PARP2: variants seen among roughly 807,000 people sequenced by gnomAD.
The protein encoded by PARP2 is poly [ADP-ribose] polymerase 2.
In PARP2, 57 loss-of-function variants were observed where a neutral mutation model predicts 77.8. The observed-to-expected ratio is 0.73, with a 90% CI of 0.59 to 0.91. The LOEUF is 0.91. Ranked by LOEUF, PARP2 falls within the 40% of genes least tolerant of loss-of-function variation. The pLI is 0.00. For missense variants in PARP2, 651 were observed against 689.0 expected (o/e 0.94, Z 0.62); for synonymous variants, 226 against 242.6 (o/e 0.93, Z 0.64).
At chr14:20,347,356 GTATATATATATATATATA>G (rs774986716) in intron 4 of PARP2, among the ~76,000 whole-genome samples, 222 of 29,564 alleles carry the variant, frequency 7.5e-3, no homozygotes, top group African/African-American at 0.014. Flanking sequence ...ATGTGTGTGT[GTATATATATATATATATA>G]TATATATATA....
intron 4 of PARP2, among the ~76,000 whole-genome samples, chr14:20,350,076 G>C (rs554596623): frequency 6.6e-6 from 1 of 152,330 alleles, no homozygotes; most frequent in South Asian, 2.1e-4. Context: ...ACAAACAAAA[G>C]CTGTGAGTAG....
At chr14:20,350,285 T>C in intron 4 of PARP2, among the ~76,000 whole-genome samples, 1 of 152,214 alleles carries the variant, frequency 6.6e-6, no homozygotes, top group East Asian at 1.9e-4. Context: ...TATTTGAGGT[T>C]GGATAGAGGG....
chr14:20,348,912 G>A (rs909818161), intron 4 of PARP2, among the ~76,000 whole-genome samples: 2 of 151,992 alleles, frequency 1.3e-5, no homozygotes, highest in South Asian at 2.1e-4. Flanking sequence ...CCAGCTACTC[G>A]GGAGGTTGAG....
rs1482683856 is a variant in PARP2, at chr14:20,343,643, T to TGGCGGCGCGGCGGC, written c.4_17dup (p.Ser8_?6). On this transcript the variant is annotated frameshift_variant and start_lost, in exon 1 of 16. Transcript: ENST00000429687. LOFTEE classifies it high-confidence loss of function. ...TGATGACGTCAGCGTTCGAATTCCA[T>TGGCGGCGCGGCGGC]GGCGGCGCGGCGGCGACGGAGCACC... 6.2e-7 allele frequency: 1 copy of TGGCGGCGCGGCGGC among 1,609,976 alleles called. No homozygotes were observed. The highest frequency in any genetic ancestry group is 8.5e-7 in the Non-Finnish European group (1 of 1,178,888).
intron 9 of PARP2, 102 bp downstream of exon 9, chr14:20,355,049 A>G (rs1055011877): frequency 3.0e-5 from 35 of 1,147,716 alleles, no homozygotes; most frequent in Non-Finnish European, 4.3e-5. Context: ...TTCCTAAGAA[A>G]ATGATCGTCT....
intron 1 of PARP2, chr14:20,344,432 A>G (rs1205196310): frequency 1.3e-5 from 2 of 153,994 alleles, no homozygotes; most frequent in Non-Finnish European, 2.9e-5. Flanking sequence ...GTTTTATTTC[A>G]TTTGGCTAGA....
At position 20,354,254 on chromosome 14, in the gene PARP2, C is replaced by G. The variant is rs759976975; in HGVS notation, c.763+7C>G. 1 of 1,604,630 alleles carries G rather than the reference C, an allele frequency of 6.2e-7. No individual in the cohort carries two copies. Among genetic ancestry groups the G allele is most frequent in the South Asian group, 1.1e-5 (1 of 90,206 alleles). On this transcript the variant is annotated splice_region_variant and intron_variant, in intron 8 of 15. Coordinates refer to ENST00000429687, the MANE Select transcript of PARP2 (RefSeq NM_001042618.2). ...ACCAAGAAAGCCCCACTTGGTAGGACTTCACATTTTCTTCTGCATTCTCTC... is the reference window on the plus strand; with the variant it reads ...ACCAAGAAAGCCCCACTTGGTAGGAGTTCACATTTTCTTCTGCATTCTCTC...
rs1946338909 is a variant in PARP2, at chr14:20,346,899, G to A, written c.310G>A (p.Val104Ile). Reference sequence around the variant, plus strand: ...TTGTGAAGGAAATGATGTCTATGATGTCATGCTAAATCAGGTAAGAGGCAA... The same window carrying A: ...TTGTGAAGGAAATGATGTCTATGATATCATGCTAAATCAGGTAAGAGGCAA... ...VYCEGNDVYD[V>I]MLNQTNLQFN... The change falls in exon 4 of 16, where the codon GTC becomes ATC. Residue 104 changes from valine (V) to isoleucine (I), a missense_variant. Coordinates refer to ENST00000429687, the MANE Select transcript of PARP2 (RefSeq NM_001042618.2). 3.7e-6 allele frequency: 6 copies of A among 1,605,906 alleles called. No homozygotes were observed. The highest frequency in any genetic ancestry group is 4.3e-6 in the Non-Finnish European group (5 of 1,173,988).
rs767812277 is a variant in PARP2 at position 20,351,095 on chromosome 14, A to C, written c.470A>C (p.Asn157Thr). The stretch of plus-strand genomic sequence containing the variant: ...CTGGTGGCTTGTTCAGGCAATCTCA[A>C]CAAGGCCAAGGAAATCTTTCAGAAG... Reference protein sequence around the residue: ...HSLVACSGNLNKAKEIFQKKF... With the variant: ...HSLVACSGNLTKAKEIFQKKF... Residue 157 changes from asparagine to threonine, a missense_variant, in exon 6 of 16, where the codon AAC becomes ACC. Coordinates refer to ENST00000429687, the MANE Select transcript of PARP2 (RefSeq NM_001042618.2). The C allele has an allele frequency of 3.7e-6, 6 of 1,613,804 alleles. No homozygotes were observed. The highest frequency in any genetic ancestry group is 5.1e-6 in the Non-Finnish European group (6 of 1,179,808).
At position 20,357,690 on chromosome 14, in the gene PARP2, C is replaced by G. The variant is rs768132981; in HGVS notation, c.1606C>G (p.Pro536Ala). 3 of 1,613,856 alleles carry G rather than the reference C, an allele frequency of 1.9e-6. No homozygotes were observed. Among genetic ancestry groups the G allele is most frequent in the Non-Finnish European group, 2.5e-6 (3 of 1,179,824 alleles). The change falls in exon 16 of 16, where the codon CCA (proline) becomes GCA (alanine). Residue 536 changes from proline (P) to alanine (A), a missense_variant. Coordinates refer to ENST00000429687, the MANE Select transcript of PARP2 (RefSeq NM_001042618.2). ...AGCAAGTGACACAGGAATTCTGAAT[C>G]CAGATGGTTATACCCTCAACTACAA... ...GPASDTGILN[P>A]DGYTLNYNEY...
chr14:20,356,855 TAA>T lies in PARP2; in HGVS notation c.1329+168_1329+169del, dbSNP rs1884172846. 4 of 682,764 alleles carry T rather than the reference TAA, an allele frequency of 5.9e-6. No individual in the cohort carries two copies. In the South Asian group the frequency reaches 7.2e-5, roughly 12 times the overall value. 42.3% of individuals were successfully genotyped at this position (682,764 alleles called of 1,614,324 possible). ...CTGTGTCCCTCTTTCTTTAAATTCC[TAA>T]AGATACCTCACCTTTCCCTCAGAAG... On this transcript the variant is annotated intron_variant, in intron 13 of 15. Coordinates refer to ENST00000429687, the MANE Select transcript of PARP2 (RefSeq NM_001042618.2).
intron 8 of PARP2, among the ~76,000 whole-genome samples, 169 bp downstream of exon 8, chr14:20,354,416 G>T (rs1481362945): frequency 4.6e-5 from 7 of 152,236 alleles, no homozygotes; most frequent in Admixed American, 2.0e-4. Flanking sequence ...GAAAGTTGAG[G>T]CTGGGTGTGA....
chr14:20,352,303 G>A lies in PARP2; in HGVS notation c.556G>A (p.Gly186Arg), dbSNP rs577289662. ...TCGAGAAAAGTTTGAGAAGGTGCCT[G>A]GAAAATATGATATGCTACAGATGGA... is the stretch of plus-strand genomic sequence containing the variant. ...EDREKFEKVP[G>R]KYDMLQMDYA... Residue 186 changes from glycine to arginine, a missense_variant, in exon 7 of 16, where the codon GGA becomes AGA. Physicochemically the swap from Gly to Arg is moderately radical, Grantham distance 125. Coordinates refer to ENST00000429687, the MANE Select transcript of PARP2 (RefSeq NM_001042618.2). The A allele has an allele frequency of 8.7e-6, 14 of 1,612,894 alleles. No individual in the cohort carries two copies. The highest frequency in any genetic ancestry group is 1.0e-5 in the Non-Finnish European group (12 of 1,178,990).
chr14:20,355,685 A>G (rs1884118116), intron 9 of PARP2, 67 bp from the exon 10 acceptor site: 2 of 1,258,258 alleles, frequency 1.6e-6, no homozygotes, highest in Non-Finnish European at 2.3e-6. Context: ...GTCATTTTCT[A>G]TTTTTAGTCA....
chr14:20,343,723 G>A (rs1325912533), intron 1 of PARP2, 36 bp downstream of exon 1: 2 of 1,602,542 alleles, frequency 1.2e-6, no homozygotes, highest in South Asian at 2.2e-5. Context: ...GCATGCGGGG[G>A]GCGGGCAGTC....
chr14:20,345,188 G>A (rs551345137), intron 2 of PARP2, 101 bp downstream of exon 2: 3 of 1,349,228 alleles, frequency 2.2e-6, no homozygotes, highest in African/African-American at 2.9e-5. Context: ...CTTCTTTCAG[G>A]GAATAATTAA....
rs781504811 is a variant in PARP2 at position 20,354,165 on chromosome 14, G to GT, written c.683dup (p.Leu228PhefsTer7). 1.1e-5 allele frequency: 18 copies of GT among 1,612,552 alleles called. No homozygotes were observed. In the East Asian group the frequency reaches 4.0e-4, roughly 36 times the overall value. ...CACAGCTAGATCTTCGGGTACAGGA[G>GT]TTAATAAAGTTGATCTGTAATGTTC... On this transcript the variant is annotated frameshift_variant, in exon 8 of 16. Coordinates refer to ENST00000429687, the MANE Select transcript of PARP2 (RefSeq NM_001042618.2). LOFTEE classifies it high-confidence loss of function.
rs1883740593 is a variant in PARP2 at position 20,346,844 on chromosome 14, T to C, written c.274-19T>C. ...TGAACCTATACTAATGTTGATTTTTTCTCTCTCTCCCTTTCTAGGCTCATG... is the reference window on the plus strand; with the variant it reads ...TGAACCTATACTAATGTTGATTTTTCCTCTCTCTCCCTTTCTAGGCTCATG... On this transcript the variant is annotated intron_variant, in intron 3 of 15. Coordinates refer to ENST00000429687, the MANE Select transcript of PARP2 (RefSeq NM_001042618.2). 3 of 1,565,572 alleles carry C rather than the reference T, an allele frequency of 1.9e-6. No homozygotes were observed. Among genetic ancestry groups the C allele is most frequent in the Non-Finnish European group, 2.6e-6 (3 of 1,140,622 alleles).
chr14:20,354,602 G>GCCT, intron 8 of PARP2: 1 of 566,786 alleles, frequency 1.8e-6, no homozygotes, highest in Non-Finnish European at 3.1e-6. Context: ...AAGCTGAAGT[G>GCCT]GGAGGATCAC....
Sources: gnomAD v4.1 joint callset for allele counts (sites outside exome capture counted in the v4.1 genomes callset) on GRCh38, gnomAD v4.1.1 for gene constraint, MANE v1.5 for transcripts, NCBI Gene and HGNC (gene_info 2026-07-23, HGNC 2026-07-21) for gene names.